Variants in SORCS1 observed in about 807,000 individuals in gnomAD.
SORCS1 encodes the protein VPS10 domain-containing receptor SorCS1.
Under a neutral mutation model 146.1 loss-of-function variants are expected in SORCS1, and 60 were observed. That is an observed-to-expected ratio of 0.41 (90% CI 0.33 to 0.51). The LOEUF is 0.51. SORCS1 is among the 20% of genes least tolerant of loss of function. The pLI, the probability that SORCS1 is intolerant of heterozygous loss-of-function variation, is 0.21. For missense variants in SORCS1, 1,352 were observed against 1,487.6 expected (o/e 0.91, Z 1.50); for synonymous variants, 637 against 584.0 (o/e 1.09, Z -1.31).
chr10:106,606,933 C>A (rs1482025083), intron 23 of SORCS1, among the ~76,000 whole-genome samples: 2 of 152,196 alleles, frequency 1.3e-5, no homozygotes, highest in African/African-American at 4.8e-5. Context: ...GCCTCCCTAG[C>A]CATGCTGAAC....
intron 1 of SORCS1, among the ~76,000 whole-genome samples, chr10:107,082,900 T>C (rs1009764489): frequency 1.4e-4 from 22 of 151,854 alleles, no homozygotes; most frequent in African/African-American, 4.8e-4. Flanking sequence ...GGTCAGGAGA[T>C]CCCAGACCAC....
chr10:106,769,183 C>T (rs1455946207), intron 4 of SORCS1, among the ~76,000 whole-genome samples: 3 of 152,080 alleles, frequency 2.0e-5, no homozygotes, highest in Non-Finnish European at 4.4e-5. Flanking sequence ...AAGGCTCACT[C>T]AGGAAAAGAA....
At chr10:106,756,334 G>A (rs1858637423) in intron 5 of SORCS1, among the ~76,000 whole-genome samples, 1 of 152,150 alleles carries the variant, frequency 6.6e-6, no homozygotes, top group Admixed American at 6.5e-5. Flanking sequence ...CAACTCACAA[G>A]AAGCATCTCA....
intron 1 of SORCS1, among the ~76,000 whole-genome samples, chr10:107,153,429 T>C (rs1161018306): frequency 6.6e-6 from 1 of 152,208 alleles, no homozygotes; most frequent in Non-Finnish European, 1.5e-5. Flanking sequence ...GAGATTGAGA[T>C]TTAAACTGAA....
intron 6 of SORCS1, among the ~76,000 whole-genome samples, chr10:106,710,112 T>G (rs1854862691): frequency 6.6e-6 from 1 of 152,158 alleles, no homozygotes; most frequent in Non-Finnish European, 1.5e-5. Context: ...GTTATAAGAT[T>G]CTAGGTTAAG....
chr10:106,678,545 T>C (rs1438567415), intron 12 of SORCS1, among the ~76,000 whole-genome samples: 2 of 152,222 alleles, frequency 1.3e-5, no homozygotes, highest in South Asian at 2.1e-4. Context: ...TATTGTATGA[T>C]AATTAAACGT....
At chr10:106,773,690 C>T (rs1184020893) in intron 4 of SORCS1, among the ~76,000 whole-genome samples, 1 of 152,214 alleles carries the variant, frequency 6.6e-6, no homozygotes, top group Admixed American at 6.5e-5. Flanking sequence ...TGGCTCATGT[C>T]CGTAATCCCA....
At chr10:106,870,861 T>G (rs1220823296) in intron 2 of SORCS1, among the ~76,000 whole-genome samples, 1 of 150,034 alleles carries the variant, frequency 6.7e-6, no homozygotes, top group African/African-American at 2.5e-5. Flanking sequence ...ACTTAAGAGC[T>G]TCTTCACAGC....
intron 1 of SORCS1, among the ~76,000 whole-genome samples, chr10:107,152,040 C>A (rs1278234119): frequency 6.6e-6 from 1 of 152,196 alleles, no homozygotes; most frequent in African/African-American, 2.4e-5. Context: ...CTGCTCTGTG[C>A]AGCCTCAGGA....
At chr10:106,850,094 T>G (rs890160464) in intron 2 of SORCS1, among the ~76,000 whole-genome samples, 2 of 151,972 alleles carry the variant, frequency 1.3e-5, no homozygotes, top group African/African-American at 4.8e-5. Context: ...CAGGCCTCCT[T>G]GAGCTGTGGT....
intron 2 of SORCS1, among the ~76,000 whole-genome samples, chr10:106,884,399 C>A (rs1456880621): frequency 6.6e-6 from 1 of 152,116 alleles, no homozygotes; most frequent in African/African-American, 2.4e-5. Flanking sequence ...CTTTCCCACT[C>A]AGCAAATGAG....
At chr10:106,862,479 C>T (rs982079915) in intron 2 of SORCS1, among the ~76,000 whole-genome samples, 1 of 151,874 alleles carries the variant, frequency 6.6e-6, no homozygotes, top group Non-Finnish European at 1.5e-5. Context: ...GAAATAATCT[C>T]ATCTCTCTTC....
intron 1 of SORCS1, among the ~76,000 whole-genome samples, chr10:107,088,203 T>A (rs1963912209): frequency 6.6e-6 from 1 of 152,110 alleles, no homozygotes; most frequent in Admixed American, 6.5e-5. Flanking sequence ...TTATTTTTTT[T>A]AAAGGCTTGA....
intron 10 of SORCS1, among the ~76,000 whole-genome samples, chr10:106,684,063 C>A (rs367811364): frequency 6.6e-6 from 1 of 152,272 alleles, no homozygotes; most frequent in African/African-American, 2.4e-5. Flanking sequence ...AGGCCGGGCA[C>A]GGTGGCTCAT....
intron 2 of SORCS1, among the ~76,000 whole-genome samples, chr10:106,857,288 C>G (rs78587127): frequency 6.6e-6 from 1 of 152,314 alleles, no homozygotes; most frequent in East Asian, 1.9e-4. Context: ...ATCTCCTTCC[C>G]TACCCAAAAC....
At position 106,597,352 on chromosome 10, in the gene SORCS1, C is replaced by A. The variant is rs752248850; in HGVS notation, c.3264G>T (p.Ala1088=). ...RVLVHAAHLT[A]APLVDLTPTH... Reference sequence around the variant, plus strand: ...GAACCCCGGGACATGGACACTGACCCGCTGTTAAGTGAGCAGCATGGACAA... The same window carrying A: ...GAACCCCGGGACATGGACACTGACCAGCTGTTAAGTGAGCAGCATGGACAA... Residue 1088 remains alanine (A), a splice_region_variant and synonymous_variant, in exon 24 of 26, where the codon GCG becomes GCT. Coordinates refer to ENST00000263054, the MANE Select transcript of SORCS1 (RefSeq NM_052918.5). 3 of 1,613,216 alleles carry A rather than the reference C, an allele frequency of 1.9e-6. No individual in the cohort carries two copies. Among genetic ancestry groups the A allele is most frequent in the Non-Finnish European group, 1.7e-6 (2 of 1,179,408 alleles).
intron 3 of SORCS1, among the ~76,000 whole-genome samples, chr10:106,791,142 G>A (rs1426135224): frequency 3.9e-5 from 6 of 152,192 alleles, no homozygotes; most frequent in African/African-American, 1.4e-4. Flanking sequence ...AGGGTGTCGT[G>A]TGACACTTCC....
chr10:106,907,149 T>G (rs749603031), intron 2 of SORCS1, among the ~76,000 whole-genome samples: 1 of 152,202 alleles, frequency 6.6e-6, no homozygotes, highest in Non-Finnish European at 1.5e-5. Context: ...TTGCAGAATC[T>G]TTGCAAGATT....
intron 18 of SORCS1, among the ~76,000 whole-genome samples, chr10:106,634,937 T>C (rs964957501): frequency 2.0e-5 from 3 of 152,192 alleles, no homozygotes; most frequent in Non-Finnish European, 2.9e-5. Flanking sequence ...CTAATGCTCT[T>C]TAGTCACATG....
Sources: gnomAD v4.1 joint callset for allele counts (sites outside exome capture counted in the v4.1 genomes callset) on GRCh38, gnomAD v4.1.1 for gene constraint, MANE v1.5 for transcripts, NCBI Gene and HGNC (gene_info 2026-07-23, HGNC 2026-07-21) for gene names.